TAS2R30: variants seen among roughly 807,000 people sequenced by gnomAD.
TAS2R30 encodes taste 2 receptor member 30.
For missense variants in TAS2R30, 395 were observed against 371.6 expected (o/e 1.06, Z -0.52); for synonymous variants, 141 against 131.6 (o/e 1.07, Z -0.49).
exon 1 of TAS2R30, chr12:11,133,305 C>T (rs1035968442): frequency 3.1e-6 from 5 of 1,611,990 alleles, no homozygotes; most frequent in Non-Finnish European, 4.2e-6. Context: ...CACAATGCCC[C>T]TCTTGTGAAT....
At chr12:11,133,241 G>C in exon 1 of TAS2R30, 1 of 1,544,392 alleles carries the variant, frequency 6.5e-7, no homozygotes, top group South Asian at 1.3e-5. Flanking sequence ...AGAAAACCCA[G>C]TAAGAAATAT....
At chr12:11,134,196 A>T in exon 1 of TAS2R30, 1 of 1,613,732 alleles carries the variant, frequency 6.2e-7, no homozygotes, top group Non-Finnish European at 8.5e-7. Context: ...CCAATAACAA[A>T]TATAACCACT....
exon 1 of TAS2R30, chr12:11,133,501 T>C (rs769752911): frequency 1.1e-5 from 18 of 1,614,024 alleles, no homozygotes; most frequent in Non-Finnish European, 1.5e-5. Context: ...AATTACAAAC[T>C]GATATGATCA....
the TAS2R30 span, chr12:11,133,714 CAT>C: frequency 6.2e-7 from 1 of 1,614,140 alleles, no homozygotes; most frequent in Non-Finnish European, 8.5e-7. Flanking sequence ...TGGTTAGAGT[CAT>C]ATTTGAATGG....
chr12:11,133,575 G>A (rs1255455523), exon 1 of TAS2R30: 1 of 1,614,230 alleles, frequency 6.2e-7, no homozygotes, highest in East Asian at 2.2e-5. Context: ...GCTTTTATGT[G>A]GACCTTGGTG....
exon 1 of TAS2R30, chr12:11,134,370 C>G (rs1190720778): frequency 3.3e-5 from 38 of 1,149,168 alleles, no homozygotes; most frequent in Non-Finnish European, 4.1e-5. Context: ...ATTCTTTTTA[C>G]TTTTAATTGC....
At chr12:11,134,352 G>A in exon 1 of TAS2R30, 2 of 1,195,402 alleles carry the variant, frequency 1.7e-6, no homozygotes, top group South Asian at 1.7e-5. Flanking sequence ...TTGTGTATGT[G>A]CTGTGACATT....
chr12:11,133,574 TGGACCTTGGTGCTG>T, the TAS2R30 span: 1 of 1,614,254 alleles, frequency 6.2e-7, no homozygotes, highest in Non-Finnish European at 8.5e-7. Flanking sequence ...AGCTTTTATG[TGGACCTTGGTGCTG>T]GGATCTTGAG....
At chr12:11,134,237 G>A (rs1160805385) in exon 1 of TAS2R30, 1 of 1,612,562 alleles carries the variant, frequency 6.2e-7, no homozygotes. Flanking sequence ...GGGCAGAAAA[G>A]TTATCATGTC....
exon 1 of TAS2R30, chr12:11,134,578 G>C: frequency 3.8e-6 from 1 of 263,448 alleles, no homozygotes; most frequent in Non-Finnish European, 7.2e-6. Flanking sequence ...TGCAAACAAG[G>C]ACATGTTCAC....
At chr12:11,133,134 C>CACAG (rs1946420288) in exon 1 of TAS2R30, 3 of 965,856 alleles carry the variant, frequency 3.1e-6, no homozygotes, top group Non-Finnish European at 4.4e-6. Context: ...CACACACACA[C>CACAG]ACACACACAT....
exon 1 of TAS2R30, chr12:11,133,975 T>A (rs768214075): frequency 6.2e-7 from 1 of 1,614,104 alleles, no homozygotes; most frequent in South Asian, 1.1e-5. Context: ...AATGGTTGGT[T>A]ACTGCCCAGA....
exon 1 of TAS2R30, chr12:11,133,562 A>C: frequency 3.1e-6 from 5 of 1,614,234 alleles, no homozygotes; most frequent in Non-Finnish European, 3.4e-6. Flanking sequence ...CACAGTTTGC[A>C]AAGCTTTTAT....
chr12:11,133,704 T>C (rs1366665513), exon 1 of TAS2R30: 8 of 1,614,238 alleles, frequency 5.0e-6, no homozygotes, highest in Non-Finnish European at 6.8e-6. Context: ...TTTGCTAGCA[T>C]GGTTAGAGTC....
At chr12:11,134,242 C>A (rs564548213) in exon 1 of TAS2R30, 6 of 1,604,776 alleles carry the variant, frequency 3.7e-6, no homozygotes, top group Non-Finnish European at 5.1e-6. Context: ...GAAAAGTTAT[C>A]ATGTCTGAAC....
chr12:11,134,261 A>C (rs763714284), exon 1 of TAS2R30: 1 of 1,594,088 alleles, frequency 6.3e-7, no homozygotes, highest in Non-Finnish European at 8.5e-7. Context: ...ACAGACAAAA[A>C]GAAATTTTTA....
At chr12:11,133,941 G>A in exon 1 of TAS2R30, 1 of 1,614,108 alleles carries the variant, frequency 6.2e-7, no homozygotes, top group Non-Finnish European at 8.5e-7. Context: ...AACATGCTGA[G>A]GCTAGTAGCA....
At chr12:11,133,930 A>T (rs1424803655) in exon 1 of TAS2R30, 2 of 1,614,054 alleles carry the variant, frequency 1.2e-6, no homozygotes, top group Admixed American at 1.7e-5. Flanking sequence ...TGAGCAAATA[A>T]AACATGCTGA....
At chr12:11,133,565 G>C in exon 1 of TAS2R30, 3 of 1,411,278 alleles carry the variant, frequency 2.1e-6, no homozygotes, top group Non-Finnish European at 2.9e-6. Flanking sequence ...AGTTTGCAAA[G>C]CTTTTATGTG....
Sources: allele counts gnomAD v4.1 joint callset, GRCh38; gene constraint gnomAD v4.1.1; transcripts MANE v1.5; gene names NCBI Gene and HGNC (gene_info 2026-07-23, HGNC 2026-07-21).